The following KCNK9 variants were observed in gnomAD, a reference collection of about 807,000 sequenced individuals.
KCNK9 encodes potassium channel subfamily K member 9.
KCNK9 carries 1 observed loss-of-function variant against 10.8 expected under a neutral mutation model. The observed-to-expected ratio is 0.09, with a 90% CI of 0.03 to 0.44. The LOEUF (loss-of-function observed/expected upper bound fraction) is 0.44. KCNK9 is among the 20% of genes least tolerant of loss of function. The pLI, the probability that KCNK9 is intolerant of heterozygous loss-of-function variation, is 0.97. For missense variants in KCNK9, 303 were observed against 515.0 expected, an observed-to-expected ratio of 0.59 and a Z score of 3.98; for synonymous variants, 231 against 222.7, an observed-to-expected ratio of 1.04 and a Z score of -0.33.
At chr8:139,632,780 G>T (rs1318082037) in intron 1 of KCNK9, among the ~76,000 whole-genome samples, 1 of 152,170 alleles carries the variant, frequency 6.6e-6, no homozygotes, top group Non-Finnish European at 1.5e-5. Context: ...CAGAGCCCCT[G>T]CCGAGAAACA....
At chr8:139,679,314 G>C (rs1816632281) in intron 1 of KCNK9, among the ~76,000 whole-genome samples, 1 of 152,230 alleles carries the variant, frequency 6.6e-6, no homozygotes, top group Admixed American at 6.5e-5. Flanking sequence ...CGAGAAGGCA[G>C]GATGCGGAAT....
chr8:139,643,043 C>T (rs1238329190), intron 1 of KCNK9, among the ~76,000 whole-genome samples: 3 of 152,160 alleles, frequency 2.0e-5, no homozygotes, highest in Non-Finnish European at 4.4e-5. Context: ...TGCCCCAAGA[C>T]CCATGAGCCC....
chr8:139,608,615 G>T (rs1202435346), downstream of KCNK9, among the ~76,000 whole-genome samples: 1 of 139,748 alleles, frequency 7.2e-6, no homozygotes, highest in East Asian at 2.5e-4. Context: ...GCTACTGCAG[G>T]CTTTGCGGGG....
At chr8:139,688,468 C>T (rs1305589324) in intron 1 of KCNK9, among the ~76,000 whole-genome samples, 1 of 152,200 alleles carries the variant, frequency 6.6e-6, no homozygotes, top group Non-Finnish European at 1.5e-5. Context: ...TTAAAACCAT[C>T]AGCTCTAGAG....
chr8:139,627,698 GAGT>G (rs1815020543), intron 1 of KCNK9, among the ~76,000 whole-genome samples: 1 of 152,200 alleles, frequency 6.6e-6, no homozygotes, highest in Non-Finnish European at 1.5e-5. Context: ...ACCCAACCTG[GAGT>G]ATACATCCTA....
chr8:139,606,727 A>G (rs1251935854), intron 2 of KCNK9, among the ~76,000 whole-genome samples: 1 of 152,206 alleles, frequency 6.6e-6, no homozygotes, highest in Admixed American at 6.5e-5. Flanking sequence ...AGTGGCTTAA[A>G]TTCTACTCAT....
chr8:139,642,592 T>A (rs1205622845), intron 1 of KCNK9, among the ~76,000 whole-genome samples: 1 of 152,080 alleles, frequency 6.6e-6, no homozygotes, highest in African/African-American at 2.4e-5. Flanking sequence ...AGGCTCCTCC[T>A]CCCACACCTG....
At chr8:139,692,692 G>A (rs900173956) in intron 1 of KCNK9, among the ~76,000 whole-genome samples, 6 of 152,128 alleles carry the variant, frequency 3.9e-5, no homozygotes, top group African/African-American at 7.2e-5. Context: ...CCCACACCCC[G>A]TGGCATCCCT....
At chr8:139,648,282 T>C (rs1430751702) in intron 1 of KCNK9, among the ~76,000 whole-genome samples, 1 of 151,814 alleles carries the variant, frequency 6.6e-6, no homozygotes, top group Non-Finnish European at 1.5e-5. Context: ...TGGGAGTGAG[T>C]GCTACTGGGG....
At chr8:139,696,715 A>G (rs1618054) in intron 1 of KCNK9, among the ~76,000 whole-genome samples, 30,793 of 149,600 alleles carry the variant, frequency 0.21, 5,637 homozygotes, top group African/African-American at 0.47. Context: ...GGATGGATGG[A>G]TGAGTGGGTG....
At chr8:139,659,395 A>T (rs768258436) in intron 1 of KCNK9, among the ~76,000 whole-genome samples, 11 of 152,210 alleles carry the variant, frequency 7.2e-5, no homozygotes, top group Non-Finnish European at 1.5e-4. Context: ...AGACACATTG[A>T]TTAAAAATAG....
chr8:139,701,097 C>A (rs1480636656), intron 1 of KCNK9, among the ~76,000 whole-genome samples: 1 of 152,170 alleles, frequency 6.6e-6, no homozygotes, highest in Non-Finnish European at 1.5e-5. Context: ...CAAACAGGCC[C>A]CTGTCTCCCA....
At chr8:139,682,353 C>A (rs1197223637) in intron 1 of KCNK9, among the ~76,000 whole-genome samples, 1 of 152,136 alleles carries the variant, frequency 6.6e-6, no homozygotes, top group Admixed American at 6.5e-5. Context: ...AGAGTCCCTG[C>A]TGAGAGGTGC....
intron 1 of KCNK9, among the ~76,000 whole-genome samples, chr8:139,665,398 G>A (rs1026019941): frequency 5.3e-5 from 8 of 152,066 alleles, no homozygotes; most frequent in African/African-American, 9.7e-5. Context: ...TTATAAAGAC[G>A]CTGATATCAC....
chr8:139,629,179 A>G (rs1815084054), intron 1 of KCNK9, among the ~76,000 whole-genome samples: 1 of 152,178 alleles, frequency 6.6e-6, no homozygotes, highest in African/African-American at 2.4e-5. Flanking sequence ...TCATAGTTAC[A>G]TGTGCTTCTC....
chr8:139,687,642 A>G (rs552905057), intron 1 of KCNK9, among the ~76,000 whole-genome samples: 1 of 112,536 alleles, frequency 8.9e-6, no homozygotes, highest in African/African-American at 3.2e-5. Flanking sequence ...ATACATATGT[A>G]TACATATATA....
At chr8:139,669,076 A>C (rs1286121489) in intron 1 of KCNK9, among the ~76,000 whole-genome samples, 1 of 151,934 alleles carries the variant, frequency 6.6e-6, no homozygotes, top group African/African-American at 2.4e-5. Context: ...TGTGTCTAAA[A>C]TGAAACAATA....
intron 1 of KCNK9, among the ~76,000 whole-genome samples, chr8:139,663,744 C>T (rs750098181): frequency 6.6e-5 from 10 of 151,812 alleles, no homozygotes; most frequent in Non-Finnish European, 1.5e-4. Flanking sequence ...AACTCAGTGT[C>T]GCTGCAACCG....
intron 1 of KCNK9, among the ~76,000 whole-genome samples, chr8:139,679,824 G>C (rs999792128): frequency 6.6e-6 from 1 of 152,154 alleles, no homozygotes; most frequent in Non-Finnish European, 1.5e-5. Context: ...TATGTCACCC[G>C]CCCTTCCTGT....
Sources: allele counts gnomAD v4.1 joint callset (sites outside exome capture counted in the v4.1 genomes callset), GRCh38; gene constraint gnomAD v4.1.1; transcripts MANE v1.5; gene names NCBI Gene and HGNC (gene_info 2026-07-23, HGNC 2026-07-21).